Variants in THAP4 observed in about 807,000 individuals in gnomAD.
THAP4 encodes THAP domain containing 4, also known as peroxynitrite isomerase THAP4.
A neutral mutation model predicts 48.1 loss-of-function variants in THAP4; 18 were observed. The observed-to-expected ratio is 0.37, with a 90% CI of 0.26 to 0.56. The LOEUF (loss-of-function observed/expected upper bound fraction) is 0.56, where lower values mean the gene tolerates loss of function less well. THAP4 is among the 20% of genes least tolerant of loss of function. The probability of loss-of-function intolerance (pLI) is 0.78; values close to 1 mark genes in which losing one functional copy is unlikely to be tolerated. For synonymous variants in THAP4, 345 were observed against 324.9 expected (o/e 1.06, Z -0.66); for missense variants, 656 against 774.9 (o/e 0.85, Z 1.82).
chr2:241,590,996 C>G (rs1263209681), intron 5 of THAP4, among the ~76,000 whole-genome samples: 3 of 145,436 alleles, frequency 2.1e-5, no homozygotes, highest in Non-Finnish European at 3.1e-5. Context: ...AGCTGCTCGG[C>G]TGACAATAAT....
intron 5 of THAP4, among the ~76,000 whole-genome samples, chr2:241,595,038 G>A (rs1162218788): frequency 6.6e-6 from 1 of 151,944 alleles, no homozygotes; most frequent in African/African-American, 2.4e-5. Flanking sequence ...TCTGATAACA[G>A]AGTCTCGCTC....
At chr2:241,617,307 T>C (rs2067360445) in intron 2 of THAP4, 1 of 829,030 alleles carries the variant, frequency 1.2e-6, no homozygotes, top group Non-Finnish European at 2.0e-6. Context: ...GATTTCATTT[T>C]TCTTTTATTG....
At chr2:241,624,300 A>G (rs1184770212) in intron 2 of THAP4, among the ~76,000 whole-genome samples, 1 of 152,194 alleles carries the variant, frequency 6.6e-6, no homozygotes, top group Non-Finnish European at 1.5e-5. Context: ...ATCCTGGCTA[A>G]CAAGGTGAAA....
intron 2 of THAP4, among the ~76,000 whole-genome samples, chr2:241,607,495 C>T (rs944540759): frequency 6.6e-5 from 10 of 151,740 alleles, no homozygotes; most frequent in Non-Finnish European, 1.5e-4. Context: ...ATCCCAAAGA[C>T]CTGCTTCCCA....
intron 5 of THAP4, among the ~76,000 whole-genome samples, chr2:241,585,926 AAAAGAAAAAAAAAAG>A (rs1415131483): frequency 2.1e-5 from 3 of 143,968 alleles, no homozygotes; most frequent in African/African-American, 5.1e-5. Flanking sequence ...AAAAAAAAAA[AAAAGAAAAAAAAAAG>A]AAAAAGAAAA....
intron 5 of THAP4, among the ~76,000 whole-genome samples, chr2:241,591,484 G>C (rs1410587513): frequency 6.6e-6 from 1 of 152,208 alleles, no homozygotes; most frequent in Admixed American, 6.5e-5. Context: ...TTTTTAAAAA[G>C]TAGAAGCCAT....
chr2:241,602,594 G>A (rs541793152), intron 4 of THAP4, among the ~76,000 whole-genome samples: 1 of 152,308 alleles, frequency 6.6e-6, no homozygotes, highest in East Asian at 1.9e-4. Context: ...TTGAACTCCT[G>A]ACCTCAAGTG....
intron 5 of THAP4, chr2:241,592,088 T>C (rs949364401): frequency 6.6e-6 from 1 of 152,052 alleles, no homozygotes; most frequent in Non-Finnish European, 1.5e-5. Context: ...AGCAACGACG[T>C]GAAAAGATGC....
chr2:241,608,653 ACT>A (rs2125081771), intron 2 of THAP4, among the ~76,000 whole-genome samples: 1 of 152,222 alleles, frequency 6.6e-6, no homozygotes, highest in East Asian at 1.9e-4. Flanking sequence ...CGTGCTGGAC[ACT>A]CTTCCAGGGA....
chr2:241,615,598 T>C (rs543338563), intron 2 of THAP4, among the ~76,000 whole-genome samples: 16 of 152,358 alleles, frequency 1.1e-4, no homozygotes, highest in Non-Finnish European at 1.9e-4. Context: ...AGCCAGAAGC[T>C]GATTTTAGGC....
rs1029643172 is a variant in THAP4 at position 241,637,106 on chromosome 2, G to T, written c.-89C>A. 4.9e-6 allele frequency: 5 copies of T among 1,018,200 alleles called. No individual in the cohort carries two copies. The highest frequency in any genetic ancestry group is 4.7e-6 in the Non-Finnish European group (4 of 855,004). The allele number at this position is 1,018,200 out of a possible 1,614,324, so 63.1% of individuals were successfully genotyped here. A position where few individuals can be genotyped will look rare whatever the true frequency, so the allele number is the denominator to read the frequency against. ...GCCCCGAGGGAGGGAGCGCGGCGGC[G>T]ACACGGCTCGGGACGTGGGCCGGCC... On this transcript the variant is annotated 5_prime_UTR_variant, in exon 1 of 6. Transcript: ENST00000407315.
At chr2:241,618,924 T>G (rs536717837) in intron 2 of THAP4, among the ~76,000 whole-genome samples, 2 of 152,174 alleles carry the variant, frequency 1.3e-5, no homozygotes, top group Non-Finnish European at 2.9e-5. Context: ...AGGCCTGCTC[T>G]GTAGCGAAGC....
chr2:241,636,219 C>A (rs983591583), intron 1 of THAP4, among the ~76,000 whole-genome samples: 24 of 152,236 alleles, frequency 1.6e-4, no homozygotes, highest in African/African-American at 5.5e-4. Flanking sequence ...CGTGCCATTC[C>A]CGTCTTTAAA....
intron 2 of THAP4, among the ~76,000 whole-genome samples, chr2:241,625,199 G>T (rs1575036883): frequency 6.6e-6 from 1 of 152,130 alleles, no homozygotes; most frequent in Admixed American, 6.6e-5. Context: ...TACAGGCCGG[G>T]TGTGGTGGCT....
At position 241,606,405 on chromosome 2, in the gene THAP4, G is replaced by A; in HGVS notation, c.1309C>T (p.Pro437Ser). Residue 437 changes from proline (P) to serine (S), a missense_variant, in exon 3 of 6, where the codon CCT (proline) becomes TCT (serine). Transcript: ENST00000407315. Reference protein sequence around the residue: ...WMLGTWLSDPPGAGTYPTLQP... With the variant: ...WMLGTWLSDPSGAGTYPTLQP... ...AGTGTGGGGTAGGTCCCGGCTCCAG[G>A]TGGGTCCGACAGCCAGGTGCCCAGC... is the stretch of plus-strand genomic sequence containing the variant. 6 of 1,605,700 alleles carry A rather than the reference G, an allele frequency of 3.7e-6. No homozygotes were observed. Among genetic ancestry groups the A allele is most frequent in the Non-Finnish European group, 5.1e-6 (6 of 1,176,148 alleles).
At chr2:241,636,669 G>C (rs946429812) in intron 1 of THAP4, among the ~76,000 whole-genome samples, 3 of 152,186 alleles carry the variant, frequency 2.0e-5, no homozygotes, top group Admixed American at 6.5e-5. Context: ...TGCGCTTCCA[G>C]AGCGTGCGGC....
chr2:241,617,419 TAAGTTTTCTAAACTCCGGACACTCGTC>T, intron 2 of THAP4: 1 of 1,550,750 alleles, frequency 6.4e-7, no homozygotes, highest in Admixed American at 2.0e-5. Context: ...TACCCATCCC[TAAGTTTTCTAAACTCCGGACACTCGTC>T]AAGGTTCCTC....
upstream of THAP4, chr2:241,637,295 G>A (rs1402004592): frequency 7.0e-6 from 8 of 1,141,998 alleles, no homozygotes; most frequent in Middle Eastern, 3.3e-4. Flanking sequence ...GCGGGCAGAC[G>A]GGCGGGGGAG....
At chr2:241,608,298 G>A (rs2067214503) in intron 2 of THAP4, among the ~76,000 whole-genome samples, 1 of 152,212 alleles carries the variant, frequency 6.6e-6, no homozygotes, top group Admixed American at 6.5e-5. Context: ...GCTGCACAGG[G>A]CAAACATAGG....
Sources: allele counts gnomAD v4.1 joint callset (sites outside exome capture counted in the v4.1 genomes callset), GRCh38; gene constraint gnomAD v4.1.1; transcripts MANE v1.5; gene names NCBI Gene and HGNC (gene_info 2026-07-23, HGNC 2026-07-21).